Variants in TSHZ3 observed in about 807,000 individuals in gnomAD.
TSHZ3 encodes the protein teashirt zinc finger homeobox 3.
TSHZ3 carries 10 observed loss-of-function variants against 64.5 expected under a neutral mutation model. That is an observed-to-expected ratio of 0.16 (90% CI 0.10 to 0.26). The LOEUF (loss-of-function observed/expected upper bound fraction) is 0.26. TSHZ3 is among the 10% of genes least tolerant of loss of function. The pLI, the probability that TSHZ3 is intolerant of heterozygous loss-of-function variation, is 1.00. For missense variants in TSHZ3, 1,242 were observed against 1,421.7 expected (o/e 0.87, Z 2.03); for synonymous variants, 608 against 593.1 (o/e 1.03, Z -0.36).
intron 1 of TSHZ3, among the ~76,000 whole-genome samples, chr19:31,305,061 A>G (rs2145147410): frequency 6.6e-6 from 1 of 152,300 alleles, no homozygotes; most frequent in East Asian, 1.9e-4. Context: ...TTGCTACTGA[A>G]CAATTCTACT....
chr19:31,287,791 G>C (rs12459141), intron 1 of TSHZ3, among the ~76,000 whole-genome samples: 2,187 of 152,318 alleles, frequency 0.014, 101 homozygotes, highest in Admixed American at 0.094. Flanking sequence ...TTCTGGTACA[G>C]AAGTGGCCCT....
chr19:31,177,395 C>T (rs73924591), intron 5 of TSHZ3, among the ~76,000 whole-genome samples: 5,533 of 152,288 alleles, frequency 0.036, 348 homozygotes, highest in African/African-American at 0.13. Context: ...AGGGGCCCCA[C>T]GGGAATCTCC....
intron 1 of TSHZ3, among the ~76,000 whole-genome samples, chr19:31,314,320 C>T (rs544687382): frequency 6.6e-6 from 1 of 152,178 alleles, no homozygotes; most frequent in Non-Finnish European, 1.5e-5. Flanking sequence ...GGAGAGAGAG[C>T]GGGCGGCAGG....
chr19:31,267,060 C>A (rs778859253), intron 1 of TSHZ3, among the ~76,000 whole-genome samples: 2 of 152,208 alleles, frequency 1.3e-5, no homozygotes, highest in African/African-American at 2.4e-5. Flanking sequence ...TCATTCACTG[C>A]GTGTTGTCAT....
In TSHZ3 at chr19:31,310,521, G is replaced by A. The variant is rs542005043; in HGVS notation, c.41-30769C>T. 2.0e-5 allele frequency among the ~76,000 whole-genome samples: 3 copies of A among 152,294 alleles called. No homozygotes were observed. The South Asian group carries it at 6.2e-4, about 32-fold the overall frequency. ...GAATCCCTTCCACCTTCTTAAAGGA[G>A]ATGCAGTTCCACCAATCTATGACAA... is the stretch of plus-strand genomic sequence containing the variant. On this transcript the variant is annotated intron_variant, in intron 1 of 1. Coordinates refer to ENST00000240587, the MANE Select transcript of TSHZ3 (RefSeq NM_020856.4).
intron 1 of TSHZ3, among the ~76,000 whole-genome samples, chr19:31,260,780 T>G (rs907246187): frequency 6.6e-6 from 1 of 152,120 alleles, no homozygotes; most frequent in Non-Finnish European, 1.5e-5. Flanking sequence ...GAGAATGGCC[T>G]CCTCTTCCTG....
At chr19:31,333,365 C>T (rs991871981) in intron 1 of TSHZ3, among the ~76,000 whole-genome samples, 1 of 152,058 alleles carries the variant, frequency 6.6e-6, no homozygotes, top group Non-Finnish European at 1.5e-5. Context: ...CCTGCAGAAA[C>T]GCTCCCACTC....
intron 1 of TSHZ3, among the ~76,000 whole-genome samples, chr19:31,253,793 C>T (rs1338417286): frequency 6.6e-6 from 1 of 152,172 alleles, no homozygotes; most frequent in Non-Finnish European, 1.5e-5. Flanking sequence ...CTCCCTGTCC[C>T]CCACCCACCA....
chr19:31,197,774 G>T (rs1482318582), intron 5 of TSHZ3, among the ~76,000 whole-genome samples: 1 of 151,722 alleles, frequency 6.6e-6, no homozygotes, highest in African/African-American at 2.4e-5. Context: ...ATTTTAATAG[G>T]CTTATATTTA....
At chr19:31,181,852 C>T (rs951368852) in intron 5 of TSHZ3, among the ~76,000 whole-genome samples, 1 of 152,122 alleles carries the variant, frequency 6.6e-6, no homozygotes, top group African/African-American at 2.4e-5. Context: ...GTTGTGGATG[C>T]TTTATTCTGG....
chr19:31,349,175 C>T lies in TSHZ3; in HGVS notation c.40+5G>A, dbSNP rs1243986620. The T allele has an allele frequency of 1.3e-6, 2 of 1,541,906 alleles. No homozygotes were observed. Among genetic ancestry groups the T allele is most frequent in the African/African-American group, 2.8e-5 (2 of 72,172 alleles). ...AGAGCAGAAGGAAGGGGAAGCGGCT[C>T]GTACCTGCTGCGCGCCGGGGCGCCT... On this transcript the variant is annotated splice_donor_5th_base_variant and intron_variant, in intron 1 of 1. Coordinates refer to ENST00000240587, the MANE Select transcript of TSHZ3 (RefSeq NM_020856.4).
At chr19:31,338,452 A>G (rs150312755) in intron 1 of TSHZ3, among the ~76,000 whole-genome samples, 322 of 152,286 alleles carry the variant, frequency 2.1e-3, no homozygotes, top group African/African-American at 7.5e-3. Flanking sequence ...TATCTGAAAT[A>G]TTCCTGAGAC....
intron 4 of TSHZ3, among the ~76,000 whole-genome samples, chr19:31,219,799 A>G (rs1015956618): frequency 8.0e-5 from 12 of 149,204 alleles, no homozygotes; most frequent in African/African-American, 2.7e-4. Flanking sequence ...GTGTATAGAT[A>G]TATATATGTA....
chr19:31,298,138 C>T (rs887060380), intron 1 of TSHZ3, among the ~76,000 whole-genome samples: 4 of 152,104 alleles, frequency 2.6e-5, no homozygotes, highest in South Asian at 2.1e-4. Context: ...CAGGGAAGGC[C>T]ACTCTAGGGC....
intron 5 of TSHZ3, among the ~76,000 whole-genome samples, chr19:31,175,873 G>A (rs556484488): frequency 7.2e-5 from 11 of 152,354 alleles, no homozygotes; most frequent in South Asian, 4.1e-4. Context: ...ACTTAGCCCC[G>A]CATCTCTGCC....
downstream of TSHZ3, among the ~76,000 whole-genome samples, chr19:31,271,181 G>A (rs1976131695): frequency 6.6e-6 from 1 of 152,138 alleles, no homozygotes; most frequent in African/African-American, 2.4e-5. Context: ...CAGGGCAGGG[G>A]ATATAGTTCT....
intron 1 of TSHZ3, among the ~76,000 whole-genome samples, chr19:31,252,380 C>G (rs1764635256): frequency 6.6e-6 from 1 of 152,148 alleles, no homozygotes; most frequent in African/African-American, 2.4e-5. Flanking sequence ...TCAGGGCCCA[C>G]CTGGATAACT....
chr19:31,208,939 A>G lies in TSHZ3; in HGVS notation n.687-3861T>C, dbSNP rs113222503. ...GTTGGTATCAGGTGGAGCTGAGGCTAGGAAACCAAAATAGGATGTGAGCTG... is the reference window on the plus strand; with the variant it reads ...GTTGGTATCAGGTGGAGCTGAGGCTGGGAAACCAAAATAGGATGTGAGCTG... On this transcript the variant is annotated intron_variant and non_coding_transcript_variant, in intron 4 of 6. Coordinates refer to the TSHZ3 transcript ENST00000651361. Among the ~76,000 whole-genome samples the G allele has an allele frequency of 7.0e-3, 1,062 of 152,346 alleles. 8 individuals carry two copies. The highest frequency in any genetic ancestry group is 0.023 in the African/African-American group (967 of 41,576).
At chr19:31,315,341 C>A in intron 1 of TSHZ3, among the ~76,000 whole-genome samples, 1 of 152,248 alleles carries the variant, frequency 6.6e-6, no homozygotes, top group East Asian at 1.9e-4. Flanking sequence ...TGTCCCAAAG[C>A]GTCCCCGGTC....
Sources: allele counts gnomAD v4.1 joint callset (sites outside exome capture counted in the v4.1 genomes callset), GRCh38; gene constraint gnomAD v4.1.1; transcripts MANE v1.5; gene names NCBI Gene and HGNC (gene_info 2026-07-23, HGNC 2026-07-21).